The following WDR70 variants were observed in gnomAD, a reference collection of about 807,000 sequenced individuals.
WDR70 encodes WD repeat-containing protein 70.
A neutral mutation model predicts 88.6 loss-of-function variants in WDR70; 53 were observed. That is an observed-to-expected ratio of 0.60 (90% confidence interval 0.48 to 0.75). WDR70 has a LOEUF of 0.75. WDR70 is among the 30% of genes least tolerant of loss of function. The pLI is 0.00. For missense variants in WDR70, 610 were observed against 823.2 expected, an observed-to-expected ratio of 0.74 and a Z score of 3.17; for synonymous variants, 280 against 270.0, an observed-to-expected ratio of 1.04 and a Z score of -0.36.
chr5:37,734,798 A>T (rs920494391), intron 17 of WDR70, among the ~76,000 whole-genome samples: 1 of 152,148 alleles, frequency 6.6e-6, no homozygotes. Flanking sequence ...GAATTCCTTC[A>T]TCTCTATGAA....
chr5:37,674,453 A>G (rs571829240), intron 10 of WDR70, among the ~76,000 whole-genome samples: 9 of 152,042 alleles, frequency 5.9e-5, no homozygotes, highest in Non-Finnish European at 7.4e-5. Flanking sequence ...TCATTGTTCA[A>G]TTCCCACCTA....
chr5:37,615,066 G>T (rs1320340199), intron 10 of WDR70, among the ~76,000 whole-genome samples: 1 of 151,822 alleles, frequency 6.6e-6, no homozygotes, highest in Non-Finnish European at 1.5e-5. Flanking sequence ...TGTGATTGAG[G>T]GATAAGGGAA....
intron 7 of WDR70, among the ~76,000 whole-genome samples, chr5:37,465,383 G>T (rs994838092): frequency 3.9e-5 from 6 of 152,104 alleles, no homozygotes; most frequent in African/African-American, 1.4e-4. Context: ...AATTTTCTTG[G>T]CCATTGAAAT....
At chr5:37,479,581 G>A (rs79816193) in intron 7 of WDR70, 13,216 of 285,334 alleles carry the variant, frequency 0.046, 348 homozygotes, top group South Asian at 0.076. Flanking sequence ...ATGTTGGTCC[G>A]GCTGATTTTG....
At chr5:37,702,823 A>T in intron 12 of WDR70, 126 bp from the exon 13 acceptor site, 2 of 878,462 alleles carry the variant, frequency 2.3e-6, no homozygotes, top group Non-Finnish European at 3.3e-6. Context: ...AAATTAATAT[A>T]AGTGCTTGAC....
chr5:37,404,790 C>T (rs1408234848), intron 5 of WDR70, among the ~76,000 whole-genome samples: 3 of 152,106 alleles, frequency 2.0e-5, no homozygotes, highest in Non-Finnish European at 2.9e-5. Flanking sequence ...TATTTAGTAT[C>T]AGGAGCCTTG....
At chr5:37,500,112 G>A (rs1337603375) in intron 8 of WDR70, among the ~76,000 whole-genome samples, 1 of 152,054 alleles carries the variant, frequency 6.6e-6, no homozygotes, top group Non-Finnish European at 1.5e-5. Context: ...AGGCCCTTCT[G>A]AGTTTCCAGT....
chr5:37,737,245 C>G (rs1748328524), intron 17 of WDR70, among the ~76,000 whole-genome samples: 1 of 152,032 alleles, frequency 6.6e-6, no homozygotes, highest in Admixed American at 6.6e-5. Context: ...ATTATTGTCC[C>G]CATTTTACCG....
intron 8 of WDR70, among the ~76,000 whole-genome samples, chr5:37,483,123 T>G (rs1447496423): frequency 6.7e-6 from 1 of 148,340 alleles, no homozygotes; most frequent in Non-Finnish European, 1.5e-5. Context: ...TTTTTTTTAA[T>G]TGATCATTCT....
At chr5:37,525,509 T>C (rs1453957730) in intron 9 of WDR70, among the ~76,000 whole-genome samples, 1 of 152,178 alleles carries the variant, frequency 6.6e-6, no homozygotes, top group East Asian at 1.9e-4. Context: ...TAGCACTACA[T>C]GCCCACAAGA....
At chr5:37,508,155 A>T (rs868216620) in intron 8 of WDR70, among the ~76,000 whole-genome samples, 2 of 152,046 alleles carry the variant, frequency 1.3e-5, no homozygotes, top group Non-Finnish European at 2.9e-5. Flanking sequence ...GTCCCCCCCA[A>T]ATATATATAT....
At chr5:37,467,393 G>A (rs539600756) in intron 7 of WDR70, among the ~76,000 whole-genome samples, 1 of 152,118 alleles carries the variant, frequency 6.6e-6, no homozygotes, top group East Asian at 1.9e-4. Context: ...AGGGAGAAAA[G>A]CAGCTCTAGT....
At chr5:37,631,982 G>A (rs893059167) in intron 10 of WDR70, among the ~76,000 whole-genome samples, 1 of 152,190 alleles carries the variant, frequency 6.6e-6, no homozygotes, top group African/African-American at 2.4e-5. Flanking sequence ...CTCTGTTACA[G>A]TTAATAAGGA....
At chr5:37,561,667 A>C (rs979630024) in intron 9 of WDR70, among the ~76,000 whole-genome samples, 2 of 152,216 alleles carry the variant, frequency 1.3e-5, no homozygotes, top group African/African-American at 4.8e-5. Context: ...CCATGTCGTT[A>C]TGAGGGTTAT....
chr5:37,703,043 C>T lies in WDR70; in HGVS notation c.1372C>T (p.Arg458Cys), dbSNP rs1396772163. 27 of 1,613,718 alleles carry T rather than the reference C, an allele frequency of 1.7e-5. No homozygotes were observed. Among genetic ancestry groups the T allele is most frequent in the Non-Finnish European group, 2.2e-5 (26 of 1,179,714 alleles). ...CGSGKLVFFE[R>C]RTFQRVYEID... ...CAGCGGCAAACTTGTTTTCTTTGAGCGTAGGACTTTCCAAAGGGTGTATGA... is the reference window on the plus strand; with the variant it reads ...CAGCGGCAAACTTGTTTTCTTTGAGTGTAGGACTTTCCAAAGGGTGTATGA... Residue 458 changes from arginine to cysteine, a missense_variant, in exon 13 of 18, where the codon CGT (arginine) becomes TGT (cysteine). Arg to Cys is a radical substitution (Grantham distance 180, BLOSUM62 -3). Coordinates refer to ENST00000265107, the MANE Select transcript of WDR70 (RefSeq NM_018034.4).
intron 7 of WDR70, among the ~76,000 whole-genome samples, chr5:37,471,279 T>C (rs139673411): frequency 1.3e-5 from 2 of 150,848 alleles, no homozygotes; most frequent in East Asian, 3.9e-4. Context: ...GCCAACACTT[T>C]GTGTTGTCAA....
intron 5 of WDR70, among the ~76,000 whole-genome samples, chr5:37,414,949 C>T (rs1173799846): frequency 1.4e-5 from 2 of 142,466 alleles, no homozygotes; most frequent in Non-Finnish European, 2.9e-5. Context: ...GTGTTTGTGT[C>T]CCTGGGTACT....
intron 9 of WDR70, among the ~76,000 whole-genome samples, chr5:37,538,160 T>C (rs1018610671): frequency 2.0e-5 from 3 of 152,172 alleles, no homozygotes; most frequent in African/African-American, 7.2e-5. Context: ...ATTAGGATCA[T>C]TTTAGCAGGC....
intron 5 of WDR70, among the ~76,000 whole-genome samples, chr5:37,397,516 T>C (rs1372752822): frequency 6.6e-6 from 1 of 151,546 alleles, no homozygotes; most frequent in African/African-American, 2.4e-5. Context: ...CAAATAATAA[T>C]GATGATGGGT....
Sources: allele counts gnomAD v4.1 joint callset (sites outside exome capture counted in the v4.1 genomes callset), GRCh38; gene constraint gnomAD v4.1.1; transcripts MANE v1.5; gene names NCBI Gene and HGNC (gene_info 2026-07-23, HGNC 2026-07-21).